Variants in ME2 observed in about 807,000 individuals in gnomAD.
ME2 encodes NAD-dependent malic enzyme, mitochondrial.
ME2 carries 60 observed loss-of-function variants against 73.7 expected under a neutral mutation model. The observed-to-expected ratio is 0.81, with a 90% confidence interval of 0.66 to 1.01. The LOEUF (loss-of-function observed/expected upper bound fraction) is 1.01, where lower values mean the gene tolerates loss of function less well. ME2 is among the 50% of genes least tolerant of loss of function. The pLI, the probability that ME2 is intolerant of heterozygous loss-of-function variation, is 0.00. For synonymous variants in ME2, 199 were observed against 236.9 expected, an observed-to-expected ratio of 0.84 and a Z score of 1.47; for missense variants, 594 against 705.5, an observed-to-expected ratio of 0.84 and a Z score of 1.79.
At chr18:50,901,180 G>T (rs1335612799) in intron 2 of ME2, among the ~76,000 whole-genome samples, 8 of 152,144 alleles carry the variant, frequency 5.3e-5, no homozygotes, top group African/African-American at 1.4e-4. Context: ...TGCTAGTGAG[G>T]CACTGGCTAC....
chr18:50,947,192 C>G lies in ME2; in HGVS notation c.*8C>G. On this transcript the variant is annotated 3_prime_UTR_variant, in exon 16 of 16. Coordinates refer to ENST00000321341, the MANE Select transcript of ME2 (RefSeq NM_002396.5). Reference sequence around the variant, plus strand: ...CCTGTGATAACAGAATAGAAGCACTCCCCTGATAAATACTTTCTGTGCTCC... The same window carrying G: ...CCTGTGATAACAGAATAGAAGCACTGCCCTGATAAATACTTTCTGTGCTCC... 1 of 1,609,852 alleles carries G rather than the reference C, an allele frequency of 6.2e-7. No individual in the cohort carries two copies. The highest frequency in any genetic ancestry group is 8.5e-7 in the Non-Finnish European group (1 of 1,178,696).
In ME2 at chr18:50,894,524, C is replaced by T. The variant is rs375591967; in HGVS notation, c.-12-1285C>T. ...CAGAGGTTGCAGTGAGCCGTGATCGCGCCGTTGCACTCCAGCCTGGGTGAC... is the reference window on the plus strand; with the variant it reads ...CAGAGGTTGCAGTGAGCCGTGATCGTGCCGTTGCACTCCAGCCTGGGTGAC... On this transcript the variant is annotated intron_variant, in intron 1 of 15. Coordinates refer to ENST00000321341, the MANE Select transcript of ME2 (RefSeq NM_002396.5). Among the ~76,000 whole-genome samples, 208 of 148,658 alleles carry T rather than the reference C, an allele frequency of 1.4e-3. 1 individual carries two copies. Among genetic ancestry groups the T allele is most frequent in the African/African-American group, 4.0e-3 (160 of 40,276 alleles).
intron 12 of ME2, among the ~76,000 whole-genome samples, chr18:50,928,482 C>T (rs530938824): frequency 2.0e-5 from 3 of 152,176 alleles, no homozygotes; most frequent in South Asian, 4.2e-4. Flanking sequence ...TTGTGATCCG[C>T]CCGCCTCGGC....
rs1367952501 is a variant in ME2 at position 50,947,333 on chromosome 18, C to G, written c.*149C>G. On this transcript the variant is annotated 3_prime_UTR_variant, in exon 16 of 16. Coordinates refer to ENST00000321341, the MANE Select transcript of ME2 (RefSeq NM_002396.5). ...GTATTTTTTCCATGCGTCTCCACAT[C>G]TGTTGGGGTAGACGTGTTGATTGAT... is the stretch of plus-strand genomic sequence containing the variant. 1.3e-5 allele frequency: 9 copies of G among 696,596 alleles called. No homozygotes were observed. Among genetic ancestry groups the G allele is most frequent in the Admixed American group, 8.7e-5 (3 of 34,480 alleles). 43.2% of individuals were successfully genotyped at this position (696,596 alleles called of 1,614,324 possible). A position where few individuals can be genotyped will look rare whatever the true frequency, so the allele number is the denominator to read the frequency against.
chr18:50,945,497 C>G lies in ME2; in HGVS notation c.1588-1520C>G, dbSNP rs542322390. ...ATCTAGCCCTTCCCTACTTCTTTTT[C>G]CTAGTCAGTGATAATAAAATATTAG... On this transcript the variant is annotated intron_variant, in intron 15 of 15. Transcript: ENST00000321341. 2.0e-5 allele frequency among the ~76,000 whole-genome samples: 3 copies of G among 152,244 alleles called. No individual in the cohort carries two copies. In the East Asian group the frequency reaches 5.8e-4, roughly 29 times the overall value.
intron 2 of ME2, among the ~76,000 whole-genome samples, chr18:50,899,814 G>T (rs1485440008): frequency 1.3e-5 from 2 of 152,104 alleles, no homozygotes; most frequent in African/African-American, 4.8e-5. Flanking sequence ...CTCCATTGAG[G>T]ACAATGACCA....
At chr18:50,918,433 C>G (rs608986) in intron 7 of ME2, among the ~76,000 whole-genome samples, 10,619 of 152,240 alleles carry the variant, frequency 0.07, 560 homozygotes, top group African/African-American at 0.15. Flanking sequence ...AGTTACCTGA[C>G]ATTTTGAGGG....
At chr18:50,921,016 T>G in intron 9 of ME2, 58 bp from the exon 10 acceptor site, 5 of 833,692 alleles carry the variant, frequency 6.0e-6, no homozygotes. Context: ...ATATATAAAG[T>G]AATTCAAGCA....
intron 3 of ME2, among the ~76,000 whole-genome samples, chr18:50,909,574 G>C (rs1236023046): frequency 6.6e-6 from 1 of 152,142 alleles, no homozygotes; most frequent in East Asian, 1.9e-4. Flanking sequence ...AATTGAGTTT[G>C]TTAAGTATAG....
intron 12 of ME2, among the ~76,000 whole-genome samples, chr18:50,929,018 A>G (rs1224235489): frequency 6.6e-6 from 1 of 152,196 alleles, no homozygotes; most frequent in African/African-American, 2.4e-5. Flanking sequence ...GCTTACAAAA[A>G]TTTTTAAAAA....
intron 12 of ME2, among the ~76,000 whole-genome samples, chr18:50,929,635 C>G (rs1917647560): frequency 6.6e-6 from 1 of 152,130 alleles, no homozygotes; most frequent in South Asian, 2.1e-4. Context: ...TTATTGAAAT[C>G]TCTTCTTCTA....
At chr18:50,884,605 C>G (rs974201249) in intron 1 of ME2, among the ~76,000 whole-genome samples, 2 of 152,166 alleles carry the variant, frequency 1.3e-5, no homozygotes, top group African/African-American at 2.4e-5. Flanking sequence ...CTCGGCCTCC[C>G]AAAGGGCTGG....
At chr18:50,907,046 C>A (rs187386205) in intron 2 of ME2, among the ~76,000 whole-genome samples, 1 of 152,318 alleles carries the variant, frequency 6.6e-6, no homozygotes, top group Non-Finnish European at 1.5e-5. Flanking sequence ...CTGCTTTGGG[C>A]AGCTGCTATG....
rs1918269790 is a variant in ME2, at chr18:50,953,742, CAT to C, written c.*6561_*6562del. 1 of 152,110 alleles carries C rather than the reference CAT, an allele frequency of 6.6e-6. No individual in the cohort carries two copies. Among genetic ancestry groups the C allele is most frequent in the South Asian group, 2.1e-4 (1 of 4,826 alleles). 9.4% of individuals were successfully genotyped at this position (152,110 alleles called of 1,614,324 possible). ...AAGTGATATCTATGTATTGTATACA[CAT>C]ATTCCATTGAAAGGTGAGAATAATT... On this transcript the variant is annotated 3_prime_UTR_variant, in exon 16 of 16. Transcript: ENST00000321341.
intron 1 of ME2, among the ~76,000 whole-genome samples, chr18:50,886,040 C>T (rs1916456364): frequency 6.6e-6 from 1 of 151,974 alleles, no homozygotes; most frequent in South Asian, 2.1e-4. Flanking sequence ...TTAGATTGTA[C>T]ACATTTAATA....
chr18:50,890,411 G>T (rs548447709), intron 1 of ME2, among the ~76,000 whole-genome samples: 19 of 152,180 alleles, frequency 1.2e-4, no homozygotes, highest in African/African-American at 4.1e-4. Flanking sequence ...ACTGTGCAGG[G>T]CCTCAATGTA....
chr18:50,938,722 A>G (rs1197773653), intron 13 of ME2, among the ~76,000 whole-genome samples: 1 of 152,210 alleles, frequency 6.6e-6, no homozygotes, highest in African/African-American at 2.4e-5. Context: ...GGGGTTTTCT[A>G]GGATGACAGC....
intron 5 of ME2, 68 bp from the exon 6 acceptor site, chr18:50,917,277 CTT>C: frequency 7.9e-7 from 1 of 1,262,052 alleles, no homozygotes; most frequent in South Asian, 1.4e-5. Flanking sequence ...GTGAATCAAT[CTT>C]TTAAAAAATG....
chr18:50,926,550 G>T (rs1917557664), intron 12 of ME2, among the ~76,000 whole-genome samples: 3 of 151,912 alleles, frequency 2.0e-5, no homozygotes, highest in African/African-American at 4.8e-5. Context: ...GTCTGTTTTT[G>T]GTTTTTGTTT....
Sources: gnomAD v4.1 joint callset for allele counts (sites outside exome capture counted in the v4.1 genomes callset) on GRCh38, gnomAD v4.1.1 for gene constraint, MANE v1.5 for transcripts, NCBI Gene and HGNC (gene_info 2026-07-23, HGNC 2026-07-21) for gene names.